Variants in GNA12 observed in about 807,000 individuals in gnomAD.
GNA12 encodes the protein guanine nucleotide-binding protein subunit alpha-12.
In GNA12, 9 loss-of-function variants were observed where a neutral mutation model predicts 26.0. The ratio of observed to expected loss-of-function variants is 0.35; its 90% confidence interval spans 0.21 to 0.60. GNA12 has a LOEUF of 0.60. Among genes scored for constraint, GNA12 ranks in the 20% least tolerant of loss-of-function variants. The pLI is 0.78. For missense variants in GNA12, 405 were observed against 525.8 expected, an observed-to-expected ratio of 0.77 and a Z score of 2.25; for synonymous variants, 264 against 219.6, an observed-to-expected ratio of 1.20 and a Z score of -1.79.
chr7:2,829,405 T>C (rs1296651379), intron 1 of GNA12, among the ~76,000 whole-genome samples: 1 of 152,216 alleles, frequency 6.6e-6, no homozygotes, highest in Non-Finnish European at 1.5e-5. Flanking sequence ...TCTACAGCCA[T>C]GGGGACGCTG....
intron 2 of GNA12, among the ~76,000 whole-genome samples, chr7:2,778,319 G>GCT (rs1792130582): frequency 6.6e-6 from 1 of 152,210 alleles, no homozygotes; most frequent in Non-Finnish European, 1.5e-5. Context: ...GGCAGGCCTT[G>GCT]CTTTTTCACA....
chr7:2,763,911 A>G (rs576632259), intron 2 of GNA12, among the ~76,000 whole-genome samples: 7 of 152,312 alleles, frequency 4.6e-5, no homozygotes, highest in South Asian at 2.1e-4. Context: ...CTGTTGCTTT[A>G]GAGTCTTGGT....
intron 3 of GNA12, among the ~76,000 whole-genome samples, chr7:2,732,492 G>C (rs1422612124): frequency 6.6e-6 from 1 of 152,178 alleles, no homozygotes; most frequent in Non-Finnish European, 1.5e-5. Flanking sequence ...GCTACAATGA[G>C]TTACGATCGT....
chr7:2,829,193 G>A (rs546716746), intron 1 of GNA12, among the ~76,000 whole-genome samples: 2 of 152,194 alleles, frequency 1.3e-5, no homozygotes, highest in Middle Eastern at 3.2e-3. Context: ...TGCTGCTCTT[G>A]GCCCTCACAA....
rs56384682 is a variant in GNA12 at position 2,763,191 on chromosome 7, A to AACACACACACACACACACACAC, written c.526-29712_526-29691dup. 1.2e-3 allele frequency: 275 copies of AACACACACACACACACACACAC among 222,710 alleles called. 3 individuals carry two copies. Among genetic ancestry groups the AACACACACACACACACACACAC allele is most frequent in the African/African-American group, 2.6e-3 (96 of 37,032 alleles). The allele number at this position is 222,710 out of a possible 1,614,324, so 13.8% of individuals were successfully genotyped here. On this transcript the variant is annotated intron_variant, in intron 2 of 3. Transcript: ENST00000275364. Reference sequence around the variant, plus strand: ...TTAGCAGGACTTCACAAGACACCCCAACACACACACACACACACACACACA... The same window carrying AACACACACACACACACACACAC: ...TTAGCAGGACTTCACAAGACACCCCAACACACACACACACACACACACACACACACACACACACACACACACA...
rs200154636 is a variant in GNA12, at chr7:2,768,674, AAAC to A, written c.525+26251_525+26253del. 2.5e-3 allele frequency among the ~76,000 whole-genome samples: 306 copies of A among 123,000 alleles called. 6 individuals are homozygous for A. The highest frequency in any genetic ancestry group is 7.1e-3 in the African/African-American group (273 of 38,294). 80.7% of individuals were successfully genotyped at this position (123,000 alleles called of 152,430 possible). On this transcript the variant is annotated intron_variant, in intron 2 of 3. Coordinates refer to ENST00000275364, the MANE Select transcript of GNA12 (RefSeq NM_007353.3). ...TGAATATGCTCTCAAGGTAAAAAAAAAACAAAACAAAACAAAAAAAAAAACAGT... is the reference window on the plus strand; with the variant it reads ...TGAATATGCTCTCAAGGTAAAAAAAAAAAACAAAACAAAAAAAAAAACAGT...
At chr7:2,741,635 T>C (rs1583219656) in intron 2 of GNA12, among the ~76,000 whole-genome samples, 1 of 151,952 alleles carries the variant, frequency 6.6e-6, no homozygotes, top group Non-Finnish European at 1.5e-5. Context: ...AGTCTTTCTC[T>C]AGATTCACCT....
At chr7:2,749,215 T>C (rs1409374720) in intron 2 of GNA12, among the ~76,000 whole-genome samples, 9 of 152,214 alleles carry the variant, frequency 5.9e-5, no homozygotes, top group African/African-American at 2.2e-4. Context: ...TGCACACGTG[T>C]GTTTATTGCG....
At chr7:2,768,691 A>AAAAAAAAAC (rs1562418608) in intron 2 of GNA12, among the ~76,000 whole-genome samples, 4 of 142,586 alleles carry the variant, frequency 2.8e-5, no homozygotes, top group Non-Finnish European at 4.6e-5. Context: ...ACAAAACAAA[A>AAAAAAAAAC]AAAAAAACAG....
chr7:2,784,886 A>G (rs982564358), intron 2 of GNA12, among the ~76,000 whole-genome samples: 1 of 152,056 alleles, frequency 6.6e-6, no homozygotes, highest in East Asian at 1.9e-4. Context: ...ATCCATCATT[A>G]TTTTCCTTTA....
intron 2 of GNA12, chr7:2,762,398 G>C (rs970739906): frequency 6.6e-6 from 3 of 457,196 alleles, no homozygotes; most frequent in African/African-American, 6.1e-5. Context: ...TCCTCACTGA[G>C]GAAACCAAAG....
intron 1 of GNA12, among the ~76,000 whole-genome samples, chr7:2,802,287 T>G (rs935406449): frequency 6.6e-6 from 1 of 151,594 alleles, no homozygotes; most frequent in Non-Finnish European, 1.5e-5. Flanking sequence ...AATGTCACAC[T>G]TCAAACTGTT....
chr7:2,733,077 G>T (rs890846297), intron 3 of GNA12, among the ~76,000 whole-genome samples: 1 of 152,162 alleles, frequency 6.6e-6, no homozygotes, highest in Non-Finnish European at 1.5e-5. Context: ...ATTTGCTCCC[G>T]GAGGCCGGGG....
At position 2,729,228 on chromosome 7, in the gene GNA12, G is replaced by A. The variant is rs1789760901; in HGVS notation, c.*1953C>T. On this transcript the variant is annotated 3_prime_UTR_variant, in exon 4 of 4. Transcript: ENST00000275364. ...AACACACACAGGAGACACAGCGAAAGCTGACCCAGAAGGCAAACAAAGCTC... is the reference window on the plus strand; with the variant it reads ...AACACACACAGGAGACACAGCGAAAACTGACCCAGAAGGCAAACAAAGCTC... The A allele has an allele frequency of 6.6e-6, 1 of 152,378 alleles. No homozygotes were observed. The highest frequency in any genetic ancestry group is 6.5e-5 in the Admixed American group (1 of 15,286). 9.4% of individuals were successfully genotyped at this position (152,378 alleles called of 1,614,324 possible). A position where few individuals can be genotyped will look rare whatever the true frequency, so the allele number is the denominator to read the frequency against.
At chr7:2,778,355 G>C (rs1021048274) in intron 2 of GNA12, among the ~76,000 whole-genome samples, 3 of 152,150 alleles carry the variant, frequency 2.0e-5, no homozygotes, top group African/African-American at 7.2e-5. Flanking sequence ...CTGAGTCTCC[G>C]ATCACCACTT....
At chr7:2,732,644 C>T (rs1304419579) in intron 3 of GNA12, among the ~76,000 whole-genome samples, 6 of 152,178 alleles carry the variant, frequency 3.9e-5, no homozygotes, top group East Asian at 3.8e-4. Context: ...ACACCAAACA[C>T]GGACATGATC....
intron 1 of GNA12, among the ~76,000 whole-genome samples, chr7:2,829,972 A>G (rs1793565480): frequency 6.6e-6 from 1 of 152,232 alleles, no homozygotes; most frequent in Non-Finnish European, 1.5e-5. Context: ...CCTGCTAGCT[A>G]GTAAGTGTCC....
chr7:2,839,251 T>A (rs1201470509), intron 1 of GNA12, among the ~76,000 whole-genome samples: 1 of 152,088 alleles, frequency 6.6e-6, no homozygotes, highest in Non-Finnish European at 1.5e-5. Context: ...TCTTTTTTTT[T>A]GAGGCAGGAT....
chr7:2,825,424 G>A (rs961620857), intron 1 of GNA12, among the ~76,000 whole-genome samples: 5 of 149,792 alleles, frequency 3.3e-5, no homozygotes, highest in African/African-American at 1.2e-4. Context: ...TTCCCAGCAT[G>A]TGCGCCCCCA....
Sources: gnomAD v4.1 joint callset for allele counts (sites outside exome capture counted in the v4.1 genomes callset) on GRCh38, gnomAD v4.1.1 for gene constraint, MANE v1.5 for transcripts, NCBI Gene and HGNC (gene_info 2026-07-23, HGNC 2026-07-21) for gene names.